FBLN5: variants seen among roughly 807,000 people sequenced by gnomAD.
The protein encoded by FBLN5 is fibulin-5.
Under a neutral mutation model 61.6 loss-of-function variants are expected in FBLN5, and 24 were observed. That is an observed-to-expected ratio of 0.39 (90% CI 0.28 to 0.55). The LOEUF is 0.55. Among genes scored for constraint, FBLN5 ranks in the 20% least tolerant of loss-of-function variants. The pLI, the probability that FBLN5 is intolerant of heterozygous loss-of-function variation, is 0.65. For missense variants in FBLN5, 470 were observed against 594.1 expected (o/e 0.79, Z 2.17); for synonymous variants, 213 against 219.8 (o/e 0.97, Z 0.27).
intron 6 of FBLN5, among the ~76,000 whole-genome samples, chr14:91,890,419 C>T (rs1178274486): frequency 6.6e-6 from 1 of 152,216 alleles, no homozygotes. Context: ...GCCTCCAACT[C>T]CAACCTGGGC....
intron 7 of FBLN5, among the ~76,000 whole-genome samples, chr14:91,885,830 C>T (rs940628660): frequency 2.0e-5 from 3 of 152,246 alleles, no homozygotes; most frequent in Admixed American, 6.5e-5. Flanking sequence ...GGATTTTCCA[C>T]ACTTCTTAGT....
chr14:91,946,714 T>A, intron 1 of FBLN5: 2 of 1,535,228 alleles, frequency 1.3e-6, no homozygotes, highest in Non-Finnish European at 8.7e-7. Context: ...TGCTTACATG[T>A]ATCTCTGTCT....
chr14:91,896,920 G>T (rs1243543525), intron 4 of FBLN5, among the ~76,000 whole-genome samples: 1 of 152,226 alleles, frequency 6.6e-6, no homozygotes, highest in African/African-American at 2.4e-5. Context: ...CAAGGGCCTT[G>T]TGTAGCATAG....
At chr14:91,891,620 T>C (rs1045625993) in intron 5 of FBLN5, among the ~76,000 whole-genome samples, 3 of 152,220 alleles carry the variant, frequency 2.0e-5, no homozygotes, top group African/African-American at 7.2e-5. Flanking sequence ...GATTGGGATG[T>C]TGGGCAAAAT....
intron 4 of FBLN5, among the ~76,000 whole-genome samples, chr14:91,906,189 A>G (rs558713602): frequency 1.6e-4 from 24 of 152,290 alleles, no homozygotes; most frequent in African/African-American, 4.3e-4. Context: ...GACTGAGAAT[A>G]TGAACTTTTT....
At chr14:91,946,926 C>T in intron 1 of FBLN5, 1 of 1,457,356 alleles carries the variant, frequency 6.9e-7, no homozygotes, top group East Asian at 2.5e-5. Flanking sequence ...AAGTTGCTGC[C>T]CTTTCCAGAA....
chr14:91,912,370 G>A (rs1289336469), intron 4 of FBLN5, among the ~76,000 whole-genome samples: 4 of 152,206 alleles, frequency 2.6e-5, no homozygotes, highest in African/African-American at 9.7e-5. Flanking sequence ...TGGGCAGGAC[G>A]TGGTGGCCCA....
At chr14:91,926,733 G>C (rs1279136290) in intron 4 of FBLN5, among the ~76,000 whole-genome samples, 1 of 151,832 alleles carries the variant, frequency 6.6e-6, no homozygotes, top group East Asian at 1.9e-4. Flanking sequence ...AGCAAACAGA[G>C]TTGCTGCTCC....
chr14:91,872,324 T>G (rs1368089440), intron 10 of FBLN5, among the ~76,000 whole-genome samples: 1 of 152,142 alleles, frequency 6.6e-6, no homozygotes, highest in Non-Finnish European at 1.5e-5. Flanking sequence ...ACCCACCTAA[T>G]GAGAGATGCT....
intron 9 of FBLN5, chr14:91,878,017 G>T (rs766767225): frequency 8.4e-6 from 4 of 474,178 alleles, no homozygotes; most frequent in Non-Finnish European, 1.7e-5. Context: ...CAGCCTGGGC[G>T]GCAGAGCAAG....
intron 4 of FBLN5, among the ~76,000 whole-genome samples, chr14:91,901,542 C>T (rs759265795): frequency 6.6e-6 from 1 of 152,202 alleles, no homozygotes; most frequent in Non-Finnish European, 1.5e-5. Context: ...ATTCCTACAC[C>T]TCCAAGTGAA....
At chr14:91,909,002 T>C (rs1383838683) in intron 4 of FBLN5, among the ~76,000 whole-genome samples, 4 of 152,034 alleles carry the variant, frequency 2.6e-5, no homozygotes, top group Non-Finnish European at 5.9e-5. Flanking sequence ...ACCGCAAGCT[T>C]CACCTCCCGG....
intron 4 of FBLN5, among the ~76,000 whole-genome samples, chr14:91,902,733 T>C (rs1890511317): frequency 6.6e-6 from 1 of 152,238 alleles, no homozygotes; most frequent in African/African-American, 2.4e-5. Flanking sequence ...GGTGCTAGAC[T>C]GTTCCAAGTG....
chr14:91,923,673 G>T (rs2055778638), intron 4 of FBLN5, among the ~76,000 whole-genome samples: 1 of 152,116 alleles, frequency 6.6e-6, no homozygotes, highest in Non-Finnish European at 1.5e-5. Flanking sequence ...GCTCTCATCA[G>T]TCACATCTGA....
At chr14:91,926,173 C>T (rs1034015162) in intron 4 of FBLN5, among the ~76,000 whole-genome samples, 4 of 152,176 alleles carry the variant, frequency 2.6e-5, no homozygotes, top group African/African-American at 7.2e-5. Context: ...CCTGAACCCC[C>T]GACAGCCATG....
chr14:91,878,762 G>C (rs1027984171), intron 9 of FBLN5, among the ~76,000 whole-genome samples: 2 of 152,106 alleles, frequency 1.3e-5, no homozygotes, highest in African/African-American at 4.8e-5. Flanking sequence ...GAGGCCTTTG[G>C]ACTCCTCCAT....
chr14:91,895,305 A>G (rs1023553712), intron 4 of FBLN5, among the ~76,000 whole-genome samples: 3 of 152,212 alleles, frequency 2.0e-5, no homozygotes, highest in African/African-American at 7.2e-5. Flanking sequence ...CCAAGAAGGG[A>G]ACCCTTATCC....
At chr14:91,891,173 G>A in intron 6 of FBLN5, 48 bp downstream of exon 6, 2 of 1,036,204 alleles carry the variant, frequency 1.9e-6, no homozygotes, top group East Asian at 4.7e-5. Context: ...GAAGAAGGCT[G>A]CAGCTAGTGT....
At chr14:91,876,190 G>A (rs1239365976) in intron 10 of FBLN5, among the ~76,000 whole-genome samples, 1 of 152,172 alleles carries the variant, frequency 6.6e-6, no homozygotes, top group Non-Finnish European at 1.5e-5. Context: ...GTTTCCCGGG[G>A]AGGGTCCCGC....
Sources: gnomAD v4.1 joint callset for allele counts (sites outside exome capture counted in the v4.1 genomes callset) on GRCh38, gnomAD v4.1.1 for gene constraint, MANE v1.5 for transcripts, NCBI Gene and HGNC (gene_info 2026-07-23, HGNC 2026-07-21) for gene names.